AQR: variants seen among roughly 807,000 people sequenced by gnomAD.
AQR encodes RNA helicase aquarius.
In AQR, 61 loss-of-function variants were observed where a neutral mutation model predicts 180.5. The observed-to-expected ratio is 0.34, with a 90% confidence interval of 0.28 to 0.42. The LOEUF (loss-of-function observed/expected upper bound fraction) is 0.42. Ranked by LOEUF, AQR falls within the 10% of genes least tolerant of loss-of-function variation. AQR has a pLI of 1.00. For missense variants in AQR, 1,281 were observed against 1,798.3 expected, an observed-to-expected ratio of 0.71 and a Z score of 5.20; for synonymous variants, 551 against 588.8, an observed-to-expected ratio of 0.94 and a Z score of 0.93.
intron 15 of AQR, among the ~76,000 whole-genome samples, chr15:34,916,084 AGTTT>A (rs1893580210): frequency 6.6e-6 from 1 of 152,248 alleles, no homozygotes; most frequent in Non-Finnish European, 1.5e-5. Context: ...AGTCTCAAGT[AGTTT>A]AAAACTTCTT....
intron 20 of AQR, among the ~76,000 whole-genome samples, chr15:34,900,412 T>C (rs1464662001): frequency 6.6e-6 from 1 of 152,228 alleles, no homozygotes; most frequent in Non-Finnish European, 1.5e-5. Flanking sequence ...GGTATTAGAC[T>C]ACTTTTACTG....
intron 33 of AQR, among the ~76,000 whole-genome samples, chr15:34,862,090 T>C (rs1892678642): frequency 1.3e-5 from 2 of 152,072 alleles, no homozygotes; most frequent in Non-Finnish European, 1.5e-5. Context: ...TGGTTACCTA[T>C]GGAGGGAAGG....
chr15:34,899,385 T>A, intron 20 of AQR, among the ~76,000 whole-genome samples: 1 of 152,074 alleles, frequency 6.6e-6, no homozygotes, highest in East Asian at 1.9e-4. Flanking sequence ...GTAGAATTAA[T>A]TATTATTTTG....
intron 32 of AQR, among the ~76,000 whole-genome samples, chr15:34,864,567 C>G (rs941924336): frequency 2.0e-5 from 3 of 152,176 alleles, no homozygotes; most frequent in African/African-American, 7.2e-5. Context: ...AGCGTAAGTC[C>G]TCACACAAAT....
In AQR at chr15:34,948,380, A is replaced by G. The variant is rs761944134; in HGVS notation, c.214T>C (p.Tyr72His). The G allele has an allele frequency of 6.2e-7, 1 of 1,612,124 alleles. No homozygotes were observed. Among genetic ancestry groups the G allele is most frequent in the Admixed American group, 1.7e-5 (1 of 60,000 alleles). Residue 72 changes from tyrosine (Y) to histidine (H), a missense_variant, in exon 5 of 35, where the codon TAT becomes CAT. Physicochemically the swap from Tyr to His is moderately conservative, Grantham distance 83 (BLOSUM62 2). Around this residue, in one of 9 missense-constraint regions of AQR, gnomAD observed 404 missense variants for 490.9 expected, o/e 0.82. Coordinates refer to ENST00000156471, the MANE Select transcript of AQR (RefSeq NM_014691.3). ...TTCATCCAGAGATAATTTTCAAGAT[A>G]CTGGCTGTAAAGAGTAAAAAGCATA... ...RKIMLLEFSQ[Y>H]LENYLWMNYS...
intron 9 of AQR, among the ~76,000 whole-genome samples, chr15:34,937,759 C>G (rs1359884070): frequency 1.3e-5 from 2 of 151,958 alleles, no homozygotes; most frequent in Non-Finnish European, 2.9e-5. Flanking sequence ...TGGCACACGC[C>G]TGTAACTCCA....
intron 13 of AQR, among the ~76,000 whole-genome samples, chr15:34,921,813 T>C (rs1893688634): frequency 6.6e-6 from 1 of 152,218 alleles, no homozygotes; most frequent in South Asian, 2.1e-4. Flanking sequence ...GGTAGTCTTT[T>C]TTCTTGCTTG....
At chr15:34,966,700 G>A (rs2050311164) in intron 1 of AQR, among the ~76,000 whole-genome samples, 1 of 152,112 alleles carries the variant, frequency 6.6e-6, no homozygotes, top group Non-Finnish European at 1.5e-5. Flanking sequence ...ATACATAAGT[G>A]AATTAATGAA....
At chr15:34,895,885 A>G (rs1281878305) in intron 22 of AQR, among the ~76,000 whole-genome samples, 1 of 152,236 alleles carries the variant, frequency 6.6e-6, no homozygotes, top group East Asian at 1.9e-4. Flanking sequence ...AACCTACTCC[A>G]GAACAACAGA....
intron 11 of AQR, among the ~76,000 whole-genome samples, chr15:34,931,590 CT>C (rs990864032): frequency 6.6e-6 from 1 of 152,114 alleles, no homozygotes; most frequent in African/African-American, 2.4e-5. Flanking sequence ...GCCAAATTGC[CT>C]TAGTTCAGGA....
chr15:34,866,436 T>A lies in AQR; in HGVS notation c.3854+1088A>T, dbSNP rs1039048020. Among the ~76,000 whole-genome samples, 7 of 152,152 alleles carry A rather than the reference T, an allele frequency of 4.6e-5. No homozygotes were observed. The South Asian group carries it at 1.5e-3, about 32-fold the overall frequency. On this transcript the variant is annotated intron_variant, in intron 32 of 34. Coordinates refer to ENST00000156471, the MANE Select transcript of AQR (RefSeq NM_014691.3). ...ACAATACTGAAATCAGGTTTTCTTT[T>A]AACCCTTCATTTATAAGCATTGTAT...
chr15:34,940,804 C>A (rs1894011900), intron 8 of AQR, 95 bp downstream of exon 8: 2 of 877,062 alleles, frequency 2.3e-6, no homozygotes, highest in Non-Finnish European at 3.7e-6. Context: ...TTGCACTCAG[C>A]ACTATATAAA....
At chr15:34,932,140 A>G (rs1396139814) in intron 11 of AQR, among the ~76,000 whole-genome samples, 178 bp downstream of exon 11, 2 of 152,242 alleles carry the variant, frequency 1.3e-5, no homozygotes, top group African/African-American at 2.4e-5. Context: ...TAATTAACAA[A>G]AAGTTATATA....
At chr15:34,912,345 C>T (rs946472194) in intron 16 of AQR, among the ~76,000 whole-genome samples, 1 of 115,752 alleles carries the variant, frequency 8.6e-6, no homozygotes, top group African/African-American at 2.5e-5. Flanking sequence ...TGGTCATAAA[C>T]TCTCTCAGTT....
In AQR at chr15:34,884,407, AAAAAAAAC is replaced by A. The variant is rs368049142; in HGVS notation, c.3027+110_3027+117del. Reference sequence around the variant, plus strand: ...GGCAACAGGGCAAGACTCCGTCTCAAAAAAAAACAAAAAAACAAAAAAACAAAAGATTT... The same window carrying A: ...GGCAACAGGGCAAGACTCCGTCTCAAAAAAAAACAAAAAAACAAAAGATTT... On this transcript the variant is annotated intron_variant, in intron 26 of 34. Transcript: ENST00000156471. 176 of 995,048 alleles carry A rather than the reference AAAAAAAAC, an allele frequency of 1.8e-4. 1 individual carries two copies. Among genetic ancestry groups the A allele is most frequent in the Middle Eastern group, 6.5e-4 (2 of 3,058 alleles). 61.6% of individuals were successfully genotyped at this position (995,048 alleles called of 1,614,324 possible).
At chr15:34,923,522 C>T (rs1424469473) in intron 13 of AQR, among the ~76,000 whole-genome samples, 1 of 152,044 alleles carries the variant, frequency 6.6e-6, no homozygotes, top group African/African-American at 2.4e-5. Flanking sequence ...TGCACAAACC[C>T]ACGATCACAA....
intron 3 of AQR, among the ~76,000 whole-genome samples, chr15:34,956,447 T>TC (rs1566791387): frequency 6.6e-6 from 1 of 152,038 alleles, no homozygotes; most frequent in Non-Finnish European, 1.5e-5. Flanking sequence ...GGTCAGGAGT[T>TC]CGAGACTAGC....
intron 15 of AQR, among the ~76,000 whole-genome samples, chr15:34,916,882 C>CGAAAATAAA (rs1893599428): frequency 1.3e-5 from 1 of 79,236 alleles, no homozygotes; most frequent in African/African-American, 5.1e-5. Context: ...TTCAGCAGAA[C>CGAAAATAAA]AAAAAAAAAA....
intron 3 of AQR, among the ~76,000 whole-genome samples, chr15:34,958,341 TG>T: frequency 6.6e-6 from 1 of 152,188 alleles, no homozygotes; most frequent in South Asian, 2.1e-4. Context: ...GGAGAAACCC[TG>T]TTTCTACCAA....
Sources: gnomAD v4.1 joint callset for allele counts (sites outside exome capture counted in the v4.1 genomes callset) on GRCh38, gnomAD v4.1.1 for gene constraint, gnomAD v4.1.1 regional missense constraint, MANE v1.5 for transcripts, NCBI Gene and HGNC (gene_info 2026-07-23, HGNC 2026-07-21) for gene names.